Variants in CPNE8 observed in about 807,000 individuals in gnomAD.
CPNE8 encodes copine 8.
A neutral mutation model predicts 81.5 loss-of-function variants in CPNE8; 45 were observed. The observed-to-expected ratio is 0.55, with a 90% CI of 0.44 to 0.71. CPNE8 has a LOEUF of 0.71. CPNE8 is among the 30% of genes least tolerant of loss of function. CPNE8 has a pLI of 0.00. For missense variants in CPNE8, 594 were observed against 672.1 expected, an observed-to-expected ratio of 0.88 and a Z score of 1.28; for synonymous variants, 252 against 226.3, an observed-to-expected ratio of 1.11 and a Z score of -1.02.
intron 1 of CPNE8, among the ~76,000 whole-genome samples, chr12:38,884,703 C>CT (rs926390694): frequency 4.0e-5 from 6 of 151,508 alleles, no homozygotes; most frequent in Admixed American, 2.6e-4. Flanking sequence ...TATTGTCAGT[C>CT]TTTTTTTTTA....
At chr12:38,819,696 G>A (rs1283214564) in intron 6 of CPNE8, among the ~76,000 whole-genome samples, 2 of 150,402 alleles carry the variant, frequency 1.3e-5, no homozygotes, top group African/African-American at 4.9e-5. Flanking sequence ...GAACCCGGGA[G>A]GCGGACCTTG....
At chr12:38,860,603 C>T (rs1943816660) in intron 3 of CPNE8, among the ~76,000 whole-genome samples, 1 of 150,584 alleles carries the variant, frequency 6.6e-6, no homozygotes, top group Non-Finnish European at 1.5e-5. Flanking sequence ...GATATCTACA[C>T]TCCTATGTTC....
chr12:38,725,013 C>A, intron 11 of CPNE8, 114 bp from the exon 12 acceptor site: 1 of 923,920 alleles, frequency 1.1e-6, no homozygotes, highest in South Asian at 1.5e-5. Context: ...TGCATGTATT[C>A]ATTTACAAAT....
intron 6 of CPNE8, among the ~76,000 whole-genome samples, chr12:38,786,851 A>T (rs1028035541): frequency 1.3e-5 from 2 of 152,160 alleles, no homozygotes; most frequent in South Asian, 2.1e-4. Flanking sequence ...AACAAATATT[A>T]TCAGAGCTAA....
At chr12:38,796,543 G>A (rs1055553784) in intron 6 of CPNE8, among the ~76,000 whole-genome samples, 19 of 152,168 alleles carry the variant, frequency 1.2e-4, no homozygotes, top group South Asian at 2.1e-4. Context: ...ATAGTATCAA[G>A]ACTATATAAA....
At chr12:38,729,670 T>A (rs571751647) in intron 11 of CPNE8, among the ~76,000 whole-genome samples, 1 of 152,024 alleles carries the variant, frequency 6.6e-6, no homozygotes, top group Non-Finnish European at 1.5e-5. Flanking sequence ...GGTATCCACA[T>A]ACGTTAAATT....
At chr12:38,884,595 GA>G (rs1437923095) in intron 1 of CPNE8, among the ~76,000 whole-genome samples, 2 of 152,072 alleles carry the variant, frequency 1.3e-5, no homozygotes, top group African/African-American at 2.4e-5. Flanking sequence ...TTTAAAATCT[GA>G]AAAAACTGCC....
chr12:38,736,778 C>A (rs1836968974), intron 10 of CPNE8, among the ~76,000 whole-genome samples: 1 of 151,962 alleles, frequency 6.6e-6, no homozygotes, highest in Admixed American at 6.6e-5. Context: ...TCAAAAAATT[C>A]TTAACAGGAA....
At chr12:38,675,937 T>C (rs1339380142) in intron 17 of CPNE8, among the ~76,000 whole-genome samples, 163 bp from the exon 18 acceptor site, 1 of 150,448 alleles carries the variant, frequency 6.6e-6, no homozygotes, top group African/African-American at 2.4e-5. Flanking sequence ...CTGGGCAACA[T>C]AGTGAGACCC....
At chr12:38,702,017 A>G (rs1237105187) in intron 14 of CPNE8, among the ~76,000 whole-genome samples, 2 of 152,184 alleles carry the variant, frequency 1.3e-5, no homozygotes, top group Non-Finnish European at 2.9e-5. Context: ...AGAAGGTTCA[A>G]TTAAGTGACC....
intron 3 of CPNE8, among the ~76,000 whole-genome samples, chr12:38,870,499 G>A (rs1943975628): frequency 6.6e-6 from 1 of 152,148 alleles, no homozygotes; most frequent in Non-Finnish European, 1.5e-5. Context: ...GCAGGGACAT[G>A]GATGAAGTTG....
At chr12:38,897,032 A>G (rs185931396) in intron 1 of CPNE8, among the ~76,000 whole-genome samples, 18 of 152,200 alleles carry the variant, frequency 1.2e-4, no homozygotes, top group Non-Finnish European at 2.1e-4. Context: ...AATAATTTCT[A>G]TGTTACAGAT....
intron 3 of CPNE8, 76 bp downstream of exon 3, chr12:38,872,928 A>G (rs1944013197): frequency 1.2e-6 from 1 of 821,160 alleles, no homozygotes; most frequent in East Asian, 2.6e-5. Context: ...GGAAAATAGA[A>G]AGTATCATCT....
chr12:38,693,827 G>A lies in CPNE8; in HGVS notation c.973C>T (p.Gln325Ter). The change falls in exon 15 of 20, where the codon CAG (glutamine) becomes TAG (stop). Residue 325 changes from glutamine (Q) to a stop codon, truncating the protein, a stop_gained. Transcript: ENST00000331366. LOFTEE classifies it high-confidence loss of function. Reference protein sequence around the residue: ...DFTASNGNPAQPTSLHYMNPY... With the variant: ...DFTASNGNPA ...TTCATGTAGTGGAGGGAAGTGGGCT[G>A]AGCAGGGTTGCCTGATGACAGAACA... 6.2e-7 allele frequency: 1 copy of A among 1,603,502 alleles called. No homozygotes were observed. Among genetic ancestry groups the A allele is most frequent in the Non-Finnish European group, 8.5e-7 (1 of 1,175,560 alleles).
intron 3 of CPNE8, among the ~76,000 whole-genome samples, chr12:38,867,728 A>T (rs1352863944): frequency 6.6e-6 from 1 of 152,218 alleles, no homozygotes; most frequent in South Asian, 2.1e-4. Context: ...TAGAGATGTT[A>T]CTTTGTTATT....
intron 3 of CPNE8, among the ~76,000 whole-genome samples, chr12:38,868,099 CT>C (rs1943941969): frequency 6.6e-6 from 1 of 152,002 alleles, no homozygotes; most frequent in Non-Finnish European, 1.5e-5. Flanking sequence ...TATATACATG[CT>C]TTTCCAAAAT....
At chr12:38,904,715 C>T (rs1592168297) in intron 1 of CPNE8, among the ~76,000 whole-genome samples, 2 of 152,122 alleles carry the variant, frequency 1.3e-5, no homozygotes, top group Admixed American at 1.3e-4. Context: ...GATCCACCCG[C>T]CTTGGCCTCC....
At chr12:38,888,112 T>C (rs1382786099) in intron 1 of CPNE8, among the ~76,000 whole-genome samples, 6 of 152,188 alleles carry the variant, frequency 3.9e-5, no homozygotes, top group Non-Finnish European at 8.8e-5. Context: ...CTAACATCAC[T>C]CTACCCAACA....
intron 13 of CPNE8, 148 bp from the exon 14 acceptor site, chr12:38,703,069 A>G (rs1939989367): frequency 8.3e-6 from 4 of 481,956 alleles, no homozygotes. Context: ...GGATAGCATC[A>G]GATAGGCAGT....
Sources: gnomAD v4.1 joint callset for allele counts (sites outside exome capture counted in the v4.1 genomes callset) on GRCh38, gnomAD v4.1.1 for gene constraint, MANE v1.5 for transcripts, NCBI Gene and HGNC (gene_info 2026-07-23, HGNC 2026-07-21) for gene names.